RFX5: variants seen among roughly 807,000 people sequenced by gnomAD.
The protein encoded by RFX5 is regulatory factor X5, also known as DNA-binding protein RFX5.
In RFX5, 30 loss-of-function variants were observed where a neutral mutation model predicts 41.2. The observed-to-expected ratio is 0.73, with a 90% CI of 0.54 to 0.99. The LOEUF (loss-of-function observed/expected upper bound fraction) is 0.99. Ranked by LOEUF, RFX5 falls within the 50% of genes least tolerant of loss-of-function variation. RFX5 has a pLI of 0.00. For missense variants in RFX5, 715 were observed against 773.6 expected (o/e 0.92, Z 0.90); for synonymous variants, 231 against 291.8 (o/e 0.79, Z 2.12).
rs1172755575 is a variant in RFX5, at chr1:151,343,756, G to A, written c.682C>T (p.Arg228Cys). The change falls in exon 9 of 11, where the codon CGC becomes TGC. Residue 228 changes from arginine to cysteine, a missense_variant. Coordinates refer to ENST00000452671, the MANE Select transcript of RFX5 (RefSeq NM_001025603.2). ...RSFSSIVEVA[R>C]FLLQQHLISA... ...ATGAGATGCTGCTGTAGCAGGAAGC[G>A]GGCGACCTCAACGATGGAACTGAAG... 6.8e-6 allele frequency: 11 copies of A among 1,614,064 alleles called. No homozygotes were observed. Among genetic ancestry groups the A allele is most frequent in the East Asian group, 4.5e-5 (2 of 44,878 alleles).
In RFX5 at chr1:151,342,518, C is replaced by T; in HGVS notation, c.1519G>A (p.Gly507Arg). Residue 507 changes from glycine (G) to arginine (R), a missense_variant, in exon 11 of 11, where the codon GGG becomes AGG. Transcript: ENST00000452671. ...GCCCCTCCAGCTGAGTTGCCTTCCC[C>T]TCCTGAGCCCCATGTCTCCCATGGT... ...RLPWETWGSG[G>R]EGNSAGGAER... is the part of the protein sequence containing the mutation. The T allele has an allele frequency of 6.2e-7, 1 of 1,614,088 alleles. No homozygotes were observed. Among genetic ancestry groups the T allele is most frequent in the East Asian group, 2.2e-5 (1 of 44,886 alleles).
In RFX5 at chr1:151,343,059, C is replaced by A; in HGVS notation, c.978G>T (p.Val326=). The stretch of plus-strand genomic sequence containing the variant: ...GGGGAAGGAGCAGAGGCAGCCGAGC[C>A]ACTAGGGCATTAACCTGCAGGTTAT... ...GANNLQVNAL[V]ARLPLLLPRA... Residue 326 remains valine (V), a synonymous_variant, in exon 11 of 11, where the codon GTG becomes GTT. Transcript: ENST00000452671. The A allele has an allele frequency of 1.9e-6, 3 of 1,613,692 alleles. No homozygotes were observed. Among genetic ancestry groups the A allele is most frequent in the Non-Finnish European group, 2.5e-6 (3 of 1,180,012 alleles).
At chr1:151,346,182 T>C (rs777717276) in intron 3 of RFX5, 23 bp downstream of exon 3, 1 of 1,609,018 alleles carries the variant, frequency 6.2e-7, no homozygotes, top group Non-Finnish European at 8.5e-7. Context: ...TGGACAGGAC[T>C]TGGAGATGTG....
chr1:151,345,262 C>T, intron 4 of RFX5, 74 bp from the exon 5 acceptor site: 10 of 1,151,982 alleles, frequency 8.7e-6, no homozygotes, highest in South Asian at 6.4e-5. Flanking sequence ...CTCTGATCCC[C>T]ACACCAAAGT....
At chr1:151,345,880 C>T (rs1473353766) in intron 4 of RFX5, 48 bp downstream of exon 4, 2 of 1,612,746 alleles carry the variant, frequency 1.2e-6, no homozygotes, top group South Asian at 1.1e-5. Flanking sequence ...ACATCCTCCT[C>T]CCTCAGCATT....
At position 151,344,290 on chromosome 1, in the gene RFX5, T is replaced by C. The variant is rs374766761; in HGVS notation, c.474-12A>G. 1.9e-6 allele frequency: 3 copies of C among 1,613,980 alleles called. No homozygotes were observed. The African/African-American group carries it at 4.0e-5, about 22-fold the overall frequency. ...CACTGTAGCAATATCTGATGCAAGTTAAAGAGCAGCCAACACATGGCGATC... is the reference window on the plus strand; with the variant it reads ...CACTGTAGCAATATCTGATGCAAGTCAAAGAGCAGCCAACACATGGCGATC... On this transcript the variant is annotated splice_polypyrimidine_tract_variant and intron_variant, in intron 7 of 10. Transcript: ENST00000452671.
At position 151,344,739 on chromosome 1, in the gene RFX5, A is replaced by G; in HGVS notation, c.342T>C (p.Tyr114=). 6.2e-7 allele frequency: 1 copy of G among 1,600,614 alleles called. No individual in the cohort carries two copies. Among genetic ancestry groups the G allele is most frequent in the Non-Finnish European group, 8.5e-7 (1 of 1,174,524 alleles). ...TDTCLPKQSV[Y]DAYRKYCESL... Reference sequence around the variant, plus strand: ...ACCCCTCCACCCACCGATAGGCATCATAAACACTTTGCTTTGGCAGACAGG... The same window carrying G: ...ACCCCTCCACCCACCGATAGGCATCGTAAACACTTTGCTTTGGCAGACAGG... Residue 114 remains tyrosine, a synonymous_variant, in exon 6 of 11, where the codon TAT becomes TAC. Transcript: ENST00000452671.
rs1299164585 is a variant in RFX5 at position 151,342,214 on chromosome 1, T to A, written c.1823A>T (p.His608Leu). The A allele has an allele frequency of 1.2e-6, 2 of 1,614,116 alleles. No individual in the cohort carries two copies. ...HVLQSSLSQE[H>L]KDPKATPP ...TGGGGGTGTTGCTTTTGGGTCTTTATGCTCCTGGGATAAGGAACTTTGAAG... is the reference window on the plus strand; with the variant it reads ...TGGGGGTGTTGCTTTTGGGTCTTTAAGCTCCTGGGATAAGGAACTTTGAAG... The change falls in exon 11 of 11, where the codon CAT becomes CTT. Residue 608 changes from histidine (H) to leucine (L), a missense_variant. Coordinates refer to ENST00000452671, the MANE Select transcript of RFX5 (RefSeq NM_001025603.2).
rs1468683114 is a variant in RFX5 at position 151,340,643 on chromosome 1, T to A, written c.*1543A>T. 6.6e-6 allele frequency: 1 copy of A among 152,470 alleles called. No homozygotes were observed. Among genetic ancestry groups the A allele is most frequent in the African/African-American group, 2.4e-5 (1 of 41,402 alleles). The allele number at this position is 152,470 out of a possible 1,614,324, so 9.4% of individuals were successfully genotyped here. On this transcript the variant is annotated 3_prime_UTR_variant, in exon 11 of 11. Transcript: ENST00000452671. ...CTAGGGAGGAACACAAACACAATGG[T>A]ATTTAAAATGTTTTAATGTATATGT...
intron 5 of RFX5, 37 bp downstream of exon 5, chr1:151,345,069 C>T (rs1480734616): frequency 6.3e-7 from 1 of 1,590,780 alleles, no homozygotes; most frequent in Non-Finnish European, 8.6e-7. Context: ...CTCTAAGAAT[C>T]AGAACCTCTG....
intron 8 of RFX5, 83 bp from the exon 9 acceptor site, chr1:151,343,965 G>A (rs537115777): frequency 2.7e-6 from 4 of 1,462,572 alleles, no homozygotes; most frequent in Non-Finnish European, 3.8e-6. Context: ...AAAGACTATT[G>A]ACCAAAGCTG....
intron 4 of RFX5, 98 bp from the exon 5 acceptor site, chr1:151,345,286 A>G (rs924546254): frequency 1.1e-6 from 1 of 947,282 alleles, no homozygotes; most frequent in South Asian, 1.4e-5. Flanking sequence ...GCTGACTTAC[A>G]GGGTGTCAGA....
chr1:151,344,609 G>A (rs922234871), intron 6 of RFX5, 73 bp from the exon 7 acceptor site: 1 of 1,610,242 alleles, frequency 6.2e-7, no homozygotes, highest in South Asian at 1.1e-5. Flanking sequence ...GAGTCCCTAG[G>A]GATCAAGTGT....
At position 151,342,686 on chromosome 1, in the gene RFX5, C is replaced by G. The variant is rs1650568943; in HGVS notation, c.1351G>C (p.Ala451Pro). The part of the protein sequence containing the change: ...ASGQAPPAKA[A>P]KQDIEDTASD... ...GCTGTATCCTCTATATCCTGCTTTG[C>G]TGCTTTAGCTGGTGGAGCCTGCCCA... The change falls in exon 11 of 11, where the codon GCA (alanine) becomes CCA (proline). Residue 451 changes from alanine (A) to proline (P), a missense_variant. Coordinates refer to ENST00000452671, the MANE Select transcript of RFX5 (RefSeq NM_001025603.2). The G allele has an allele frequency of 6.2e-7, 1 of 1,614,128 alleles. No homozygotes were observed. Among genetic ancestry groups the G allele is most frequent in the Admixed American group, 1.7e-5 (1 of 60,004 alleles).
chr1:151,344,438 AGCC>A lies in RFX5; in HGVS notation c.449_451del (p.Arg150_Leu151delinsIle). The A allele has an allele frequency of 6.2e-7, 1 of 1,614,194 alleles. No homozygotes were observed. The highest frequency in any genetic ancestry group is 8.5e-7 in the Non-Finnish European group (1 of 1,180,032). ...ATACTTGGACTGGCCCCGGCCACCA[AGCC>A]TTCGAGCTTTGATGTCAGGGAAGAT... On this transcript the variant is annotated inframe_deletion, in exon 7 of 11. Transcript: ENST00000452671.
At position 151,343,837 on chromosome 1, in the gene RFX5, C is replaced by T. The variant is rs761407059; in HGVS notation, c.601G>A (p.Val201Met). The change falls in exon 9 of 11, where the codon GTG becomes ATG. Residue 201 changes from valine to methionine, a missense_variant. Coordinates refer to ENST00000452671, the MANE Select transcript of RFX5 (RefSeq NM_001025603.2). ...EVTPAPRDEL[V>M]EAACALTCDW... ...CAGGTCAGGGCACACGCTGCCTCCACCAGTTCATCTCGAGGTGCTGGGGTT... is the reference window on the plus strand; with the variant it reads ...CAGGTCAGGGCACACGCTGCCTCCATCAGTTCATCTCGAGGTGCTGGGGTT... 1 of 1,614,130 alleles carries T rather than the reference C, an allele frequency of 6.2e-7. No homozygotes were observed. The highest frequency in any genetic ancestry group is 1.1e-5 in the South Asian group (1 of 91,084).
In RFX5 at chr1:151,343,080, G is replaced by C. The variant is rs200129277; in HGVS notation, c.957C>G (p.Asn319Lys). 11 of 1,613,486 alleles carry C rather than the reference G, an allele frequency of 6.8e-6. No individual in the cohort carries two copies. The highest frequency in any genetic ancestry group is 6.8e-6 in the Non-Finnish European group (8 of 1,180,016). ...VVESSAPGAN[N>K]LQVNALVARL... ...GAGCCACTAGGGCATTAACCTGCAG[G>C]TTATTGGCTCCTGGGGCCGAGCTCT... is the stretch of plus-strand genomic sequence containing the variant. The change falls in exon 11 of 11, where the codon AAC (asparagine) becomes AAG (lysine). Residue 319 changes from asparagine to lysine, a missense_variant. Transcript: ENST00000452671.
At position 151,341,712 on chromosome 1, in the gene RFX5, C is replaced by T; in HGVS notation, c.*474G>A. ...AGTGGCCCAGACTTAAATGGTCCTACAGAAGATGCAACAGTGAGAAAAAAG... is the reference window on the plus strand; with the variant it reads ...AGTGGCCCAGACTTAAATGGTCCTATAGAAGATGCAACAGTGAGAAAAAAG... On this transcript the variant is annotated 3_prime_UTR_variant, in exon 11 of 11. Coordinates refer to ENST00000452671, the MANE Select transcript of RFX5 (RefSeq NM_001025603.2). The T allele has an allele frequency of 3.5e-6, 1 of 286,452 alleles. No individual in the cohort carries two copies. 17.7% of individuals were successfully genotyped at this position (286,452 alleles called of 1,614,324 possible).
chr1:151,343,759 C>T lies in RFX5; in HGVS notation c.679G>A (p.Ala227Thr), dbSNP rs1650736759. The change falls in exon 9 of 11, where the codon GCC becomes ACC. Residue 227 changes from alanine to threonine, a missense_variant. Coordinates refer to ENST00000452671, the MANE Select transcript of RFX5 (RefSeq NM_001025603.2). ...AGATGCTGCTGTAGCAGGAAGCGGG[C>T]GACCTCAACGATGGAACTGAAGGAC... ...KRSFSSIVEV[A>T]RFLLQQHLIS... 13 of 1,613,936 alleles carry T rather than the reference C, an allele frequency of 8.1e-6. No homozygotes were observed. The highest frequency in any genetic ancestry group is 1.3e-5 in the African/African-American group (1 of 74,884).
Sources: gnomAD v4.1 joint callset for allele counts on GRCh38, gnomAD v4.1.1 for gene constraint, MANE v1.5 for transcripts, NCBI Gene and HGNC (gene_info 2026-07-23, HGNC 2026-07-21) for gene names.